Variants in ABLIM1 observed in about 807,000 individuals in gnomAD.
The protein encoded by ABLIM1 is actin binding LIM protein 1.
ABLIM1 carries 40 observed loss-of-function variants against 107.0 expected under a neutral mutation model. The ratio of observed to expected loss-of-function variants is 0.37; its 90% confidence interval spans 0.29 to 0.49. ABLIM1 has a LOEUF of 0.49. Among genes scored for constraint, ABLIM1 ranks in the 20% least tolerant of loss-of-function variants. ABLIM1 has a pLI of 0.97. For synonymous variants in ABLIM1, 357 were observed against 357.3 expected, an observed-to-expected ratio of 1.00 and a Z score of 0.01; for missense variants, 857 against 1,008.5, an observed-to-expected ratio of 0.85 and a Z score of 2.04.
At chr10:114,497,541 G>C (rs1303962802) in intron 6 of ABLIM1, among the ~76,000 whole-genome samples, 1 of 151,996 alleles carries the variant, frequency 6.6e-6, no homozygotes, top group African/African-American at 2.4e-5. Flanking sequence ...TATTAGCCAG[G>C]CTTGGTGGCG....
At chr10:114,513,088 A>T (rs1445862683) in intron 6 of ABLIM1, among the ~76,000 whole-genome samples, 1 of 152,100 alleles carries the variant, frequency 6.6e-6, no homozygotes, top group African/African-American at 2.4e-5. Flanking sequence ...AAACCAAACC[A>T]AACCAGACCC....
At chr10:114,542,147 G>A (rs980167376) in intron 6 of ABLIM1, among the ~76,000 whole-genome samples, 3 of 152,188 alleles carry the variant, frequency 2.0e-5, no homozygotes, top group African/African-American at 7.2e-5. Context: ...GGTTGCTCAT[G>A]CCTGTAATCT....
chr10:114,458,372 A>T (rs960141697), intron 12 of ABLIM1, among the ~76,000 whole-genome samples: 1 of 152,082 alleles, frequency 6.6e-6, no homozygotes, highest in Non-Finnish European at 1.5e-5. Context: ...TACTTAACAC[A>T]TTTAAATGCC....
intron 2 of ABLIM1, among the ~76,000 whole-genome samples, chr10:114,600,923 T>A (rs2075919533): frequency 6.6e-6 from 1 of 152,180 alleles, no homozygotes; most frequent in South Asian, 2.1e-4. Context: ...AAGATGCCAA[T>A]CTTTGTAAAC....
chr10:114,784,208 C>G, the ABLIM1 span, among the ~76,000 whole-genome samples: 1 of 151,422 alleles, frequency 6.6e-6, no homozygotes, highest in Non-Finnish European at 1.5e-5. Flanking sequence ...TAGCCAGGCT[C>G]GGTGGTGCGC....
intron 6 of ABLIM1, among the ~76,000 whole-genome samples, chr10:114,525,232 T>C (rs981678319): frequency 6.6e-6 from 1 of 152,246 alleles, no homozygotes; most frequent in Non-Finnish European, 1.5e-5. Flanking sequence ...TGAGAAACCC[T>C]GTTCTACAGG....
intron 2 of ABLIM1, among the ~76,000 whole-genome samples, chr10:114,594,648 G>A (rs1201491028): frequency 6.6e-6 from 1 of 152,202 alleles, no homozygotes; most frequent in Admixed American, 6.5e-5. Flanking sequence ...TATTAGGGAG[G>A]CTGAGGCAGG....
chr10:114,459,233 A>C (rs534165138), intron 12 of ABLIM1, among the ~76,000 whole-genome samples: 1 of 152,348 alleles, frequency 6.6e-6, no homozygotes, highest in African/African-American at 2.4e-5. Context: ...CCCAGCTCAC[A>C]TCCATTAAAA....
intron 7 of ABLIM1, among the ~76,000 whole-genome samples, chr10:114,490,812 AT>A (rs979204729): frequency 1.3e-4 from 20 of 149,320 alleles, no homozygotes; most frequent in Admixed American, 3.4e-4. Context: ...ATGTATGCTT[AT>A]TTTTTTTGTC....
chr10:114,440,706 C>A (rs1055291479), intron 19 of ABLIM1: 17 of 444,456 alleles, frequency 3.8e-5, no homozygotes, highest in Non-Finnish European at 6.4e-5. Flanking sequence ...AGTAATCCTT[C>A]CGCCTCAGCC....
upstream of ABLIM1, among the ~76,000 whole-genome samples, chr10:114,770,975 C>T (rs1052256580): frequency 6.6e-6 from 1 of 152,114 alleles, no homozygotes; most frequent in African/African-American, 2.4e-5. Context: ...GGATCACAGG[C>T]ACGTGCCACC....
intron 5 of ABLIM1, among the ~76,000 whole-genome samples, chr10:114,546,585 G>A (rs116650397): frequency 0.014 from 2,200 of 152,020 alleles, 51 homozygotes; most frequent in African/African-American, 0.049. Flanking sequence ...ATGAGCCACC[G>A]CACCCAGCCT....
chr10:114,437,739 A>G, intron 22 of ABLIM1, 105 bp downstream of exon 22: 1 of 959,330 alleles, frequency 1.0e-6, no homozygotes, highest in Non-Finnish European at 1.6e-6. Flanking sequence ...TGATCTTTAT[A>G]ATTTTTTTTT....
At chr10:114,612,892 G>T (rs187159815) in intron 1 of ABLIM1, among the ~76,000 whole-genome samples, 3 of 152,256 alleles carry the variant, frequency 2.0e-5, no homozygotes, top group African/African-American at 7.2e-5. Flanking sequence ...CTTAAGCACG[G>T]TACCACCATT....
At chr10:114,656,821 G>A (rs2079547730) in intron 1 of ABLIM1, among the ~76,000 whole-genome samples, 1 of 152,112 alleles carries the variant, frequency 6.6e-6, no homozygotes. Flanking sequence ...AGCCATAAAC[G>A]AAAGACCACA....
At chr10:114,679,005 C>T (rs762171309) in intron 1 of ABLIM1, among the ~76,000 whole-genome samples, 2 of 152,084 alleles carry the variant, frequency 1.3e-5, no homozygotes, top group African/African-American at 2.4e-5. Context: ...ACTTTGAATG[C>T]CCTCTCACTT....
At chr10:114,785,931 G>A in the ABLIM1 span, among the ~76,000 whole-genome samples, 1 of 152,154 alleles carries the variant, frequency 6.6e-6, no homozygotes, top group Admixed American at 6.5e-5. Flanking sequence ...GTTTCACCGT[G>A]TTGGCCAGGC....
At chr10:114,731,006 C>T (rs2082061456) in intron 1 of ABLIM1, among the ~76,000 whole-genome samples, 1 of 152,176 alleles carries the variant, frequency 6.6e-6, no homozygotes, top group Non-Finnish European at 1.5e-5. Context: ...TTCCTTTTCA[C>T]TGTTGAATAA....
chr10:114,465,678 C>A lies in ABLIM1; in HGVS notation c.1441+20G>T. 6.2e-7 allele frequency: 1 copy of A among 1,613,148 alleles called. No homozygotes were observed. Among genetic ancestry groups the A allele is most frequent in the South Asian group, 1.1e-5 (1 of 90,898 alleles). ...ACATAGTTTGTTATATAGAGTGAAT[C>A]CAGGAACAGTCACCCTTACCAGGTC... On this transcript the variant is annotated intron_variant, in intron 12 of 22. Transcript: ENST00000533213.
Sources: allele counts gnomAD v4.1 joint callset (sites outside exome capture counted in the v4.1 genomes callset), GRCh38; gene constraint gnomAD v4.1.1; transcripts MANE v1.5; gene names NCBI Gene and HGNC (gene_info 2026-07-23, HGNC 2026-07-21).